COL13A1: variants seen among roughly 807,000 people sequenced by gnomAD.
COL13A1 encodes collagen type XIII alpha 1 chain, also known as collagen alpha-1(XIII) chain.
COL13A1 carries 89 observed loss-of-function variants against 130.9 expected under a neutral mutation model. The observed-to-expected ratio is 0.68, with a 90% CI of 0.57 to 0.81. The LOEUF (loss-of-function observed/expected upper bound fraction) is 0.81, where lower values mean the gene tolerates loss of function less well. COL13A1 is among the 30% of genes least tolerant of loss of function. The probability of loss-of-function intolerance (pLI) is 0.00; values close to 1 mark genes in which losing one functional copy is unlikely to be tolerated. For synonymous variants in COL13A1, 402 were observed against 341.6 expected (o/e 1.18, Z -1.95); for missense variants, 879 against 934.6 (o/e 0.94, Z 0.78).
At chr10:69,929,152 G>A (rs1055550619) in intron 28 of COL13A1, among the ~76,000 whole-genome samples, 153 bp downstream of exon 28, 1 of 141,940 alleles carries the variant, frequency 7.0e-6, no homozygotes, top group African/African-American at 2.5e-5. Flanking sequence ...CCACCTCCCA[G>A]CTGCTGTGGC....
In COL13A1 at chr10:69,873,416, G is replaced by A. The variant is rs540132322; in HGVS notation, c.399+1206G>A. Among the ~76,000 whole-genome samples, 11 of 152,254 alleles carry A rather than the reference G, an allele frequency of 7.2e-5. No individual in the cohort carries two copies. In the South Asian group the frequency reaches 2.3e-3, roughly 32 times the overall value. ...AATCGGTCCCATGAAATCCAAGGAG[G>A]GGAAACATCAGATGACCGAGGGGAA... On this transcript the variant is annotated intron_variant, in intron 4 of 40. Coordinates refer to ENST00000645393, the MANE Select transcript of COL13A1 (RefSeq NM_001368882.1).
At chr10:69,884,360 C>A (rs1227272306) in intron 7 of COL13A1, among the ~76,000 whole-genome samples, 1 of 152,216 alleles carries the variant, frequency 6.6e-6, no homozygotes, top group African/African-American at 2.4e-5. Flanking sequence ...CTCCCCCACT[C>A]AGCTAATGGT....
Position 69,952,896 on chromosome 10 carries a change from G to A in COL13A1, c.2073G>A (p.Lys691=), listed in dbSNP as rs1220115730. The change falls in exon 39 of 41, where the codon AAG becomes AAA. Residue 691 remains lysine, a synonymous_variant. Coordinates refer to ENST00000645393, the MANE Select transcript of COL13A1 (RefSeq NM_001368882.1). ...GDKGNRGERG[K]KGSRGPKGDK... ...ATTATTTACAGGGGGAGAGGGGGAA[G>A]AAAGGCTCTAGAGGGCCTAAAGGGG... The A allele has an allele frequency of 2.6e-6, 4 of 1,552,794 alleles. No individual in the cohort carries two copies. In the African/African-American group the frequency reaches 5.7e-5, roughly 22 times the overall value.
chr10:69,812,507 C>T (rs2132300836), intron 1 of COL13A1, among the ~76,000 whole-genome samples: 1 of 152,300 alleles, frequency 6.6e-6, no homozygotes, highest in African/African-American at 2.4e-5. Flanking sequence ...ATCCAATCTC[C>T]TTGAAAGAGC....
In COL13A1 at chr10:69,802,404, G is replaced by T. The variant is rs1840234284; in HGVS notation, c.-20G>T. 6 of 1,471,338 alleles carry T rather than the reference G, an allele frequency of 4.1e-6. No homozygotes were observed. Among genetic ancestry groups the T allele is most frequent in the South Asian group, 1.4e-5 (1 of 72,538 alleles). The allele number at this position is 1,471,338 out of a possible 1,614,324, so 91.1% of individuals were successfully genotyped here. A position where few individuals can be genotyped will look rare whatever the true frequency, so the allele number is the denominator to read the frequency against. On this transcript the variant is annotated 5_prime_UTR_variant, in exon 1 of 41. Coordinates refer to ENST00000645393, the MANE Select transcript of COL13A1 (RefSeq NM_001368882.1). ...TATTTATTCTATTTATTTATTTATT[G>T]GTTCTCAAGACGCGAGAGGATGGTA...
intron 3 of COL13A1, among the ~76,000 whole-genome samples, chr10:69,871,629 C>T (rs1005057613): frequency 1.3e-5 from 2 of 152,126 alleles, no homozygotes; most frequent in African/African-American, 4.8e-5. Context: ...CAGGGAACAC[C>T]CCAAGACCTA....
chr10:69,812,877 A>G (rs1260588149), intron 1 of COL13A1, among the ~76,000 whole-genome samples: 1 of 152,192 alleles, frequency 6.6e-6, no homozygotes, highest in Non-Finnish European at 1.5e-5. Flanking sequence ...GTTACTGCTC[A>G]GCTTCAGATC....
chr10:69,921,774 C>A lies in COL13A1; in HGVS notation c.1090-108C>A, dbSNP rs2274180. On this transcript the variant is annotated intron_variant, in intron 21 of 40. Coordinates refer to ENST00000645393, the MANE Select transcript of COL13A1 (RefSeq NM_001368882.1). ...GAAAGCCAGCTGGGGGCAGGGGCAC[C>A]GAGGCAGGAGCAAGGGAAGGCAAGG... 0.22 allele frequency: 311,180 copies of A among 1,428,042 alleles called. 35,365 individuals are homozygous for A. Among genetic ancestry groups the A allele is most frequent in the East Asian group, 0.3 (12,098 of 40,220 alleles). 88.5% of individuals were successfully genotyped at this position (1,428,042 alleles called of 1,614,324 possible). A position where few individuals can be genotyped will look rare whatever the true frequency, so the allele number is the denominator to read the frequency against.
chr10:69,841,592 A>T (rs1851618756), intron 2 of COL13A1, among the ~76,000 whole-genome samples: 1 of 152,228 alleles, frequency 6.6e-6, no homozygotes, highest in Non-Finnish European at 1.5e-5. Context: ...GAGGGTGAGC[A>T]AGACATGACT....
chr10:69,874,085 C>A (rs539326018), intron 4 of COL13A1, among the ~76,000 whole-genome samples: 3 of 152,302 alleles, frequency 2.0e-5, no homozygotes, highest in African/African-American at 7.2e-5. Flanking sequence ...GCACAGCTAC[C>A]CTGCCATTCT....
chr10:69,818,611 C>T (rs1231900462), intron 1 of COL13A1, among the ~76,000 whole-genome samples: 2 of 152,236 alleles, frequency 1.3e-5, no homozygotes, highest in Non-Finnish European at 2.9e-5. Flanking sequence ...TGGTGTAGCT[C>T]CACTTAAACC....
chr10:69,907,511 T>G (rs957533678), intron 17 of COL13A1, among the ~76,000 whole-genome samples: 6 of 152,154 alleles, frequency 3.9e-5, no homozygotes, highest in African/African-American at 1.4e-4. Context: ...CTGGGCTTGC[T>G]GTTATAACAA....
chr10:69,909,038 G>A (rs972962757), intron 17 of COL13A1, among the ~76,000 whole-genome samples: 1 of 152,138 alleles, frequency 6.6e-6, no homozygotes, highest in African/African-American at 2.4e-5. Flanking sequence ...CTCTGTATCA[G>A]CTGGGACACT....
intron 3 of COL13A1, among the ~76,000 whole-genome samples, chr10:69,869,960 T>G (rs1368190635): frequency 6.6e-6 from 1 of 152,164 alleles, no homozygotes; most frequent in Non-Finnish European, 1.5e-5. Flanking sequence ...CACTGTTATG[T>G]TTTTATGGAG....
intron 2 of COL13A1, among the ~76,000 whole-genome samples, chr10:69,834,725 G>C (rs2133050200): frequency 6.6e-6 from 1 of 152,298 alleles, no homozygotes; most frequent in East Asian, 1.9e-4. Context: ...ACAAGGCAGA[G>C]CAGAAGGGGG....
In COL13A1 at chr10:69,873,165, T is replaced by C. The variant is rs2059243622; in HGVS notation, c.399+955T>C. 1.3e-5 allele frequency among the ~76,000 whole-genome samples: 2 copies of C among 152,158 alleles called. 1 individual carries two copies. Among genetic ancestry groups the C allele is most frequent in the South Asian group, 4.1e-4 (2 of 4,830 alleles). On this transcript the variant is annotated intron_variant, in intron 4 of 40. Coordinates refer to ENST00000645393, the MANE Select transcript of COL13A1 (RefSeq NM_001368882.1). ...CTGGCACCAGTCTGCCCTGTCTCCCTGTACCAAAGGCCACATCCATGAGAT... is the reference window on the plus strand; with the variant it reads ...CTGGCACCAGTCTGCCCTGTCTCCCCGTACCAAAGGCCACATCCATGAGAT...
In COL13A1 at chr10:69,902,857, T is replaced by G; in HGVS notation, c.858+2T>G. ...CTGCCAGGGCCTATGGGGCCACCTG[T>G]AAGTATTCCCTTCCTCTCTCCTTCA... On this transcript the variant is annotated splice_donor_variant, in intron 15 of 40. Transcript: ENST00000645393. LOFTEE classifies it high-confidence loss of function. 1 of 1,520,788 alleles carries G rather than the reference T, an allele frequency of 6.6e-7. No individual in the cohort carries two copies. The highest frequency in any genetic ancestry group is 2.5e-5 in the East Asian group (1 of 39,650). The allele number at this position is 1,520,788 out of a possible 1,614,324, so 94.2% of individuals were successfully genotyped here.
chr10:69,860,988 G>A lies in COL13A1; in HGVS notation c.365-6810G>A, dbSNP rs185669988. ...CTGGAGGAACTTTAAGGTTTTGTTG[G>A]GAGGAGAAAGGGAGAATGGACGCAG... On this transcript the variant is annotated intron_variant, in intron 2 of 40. Coordinates refer to ENST00000645393, the MANE Select transcript of COL13A1 (RefSeq NM_001368882.1). 2.2e-3 allele frequency among the ~76,000 whole-genome samples: 329 copies of A among 152,322 alleles called. 1 individual carries two copies. Among genetic ancestry groups the A allele is most frequent in the African/African-American group, 7.6e-3 (315 of 41,558 alleles).
At chr10:69,849,816 T>C (rs912571392) in intron 2 of COL13A1, among the ~76,000 whole-genome samples, 2 of 152,186 alleles carry the variant, frequency 1.3e-5, no homozygotes, top group Admixed American at 1.3e-4. Flanking sequence ...CCACCCGGTG[T>C]GGCCTGCCCA....
Sources: gnomAD v4.1 joint callset for allele counts (sites outside exome capture counted in the v4.1 genomes callset) on GRCh38, gnomAD v4.1.1 for gene constraint, MANE v1.5 for transcripts, NCBI Gene and HGNC (gene_info 2026-07-23, HGNC 2026-07-21) for gene names.